The following SLCO3A1 variants were observed in gnomAD, a reference collection of about 807,000 sequenced individuals.
The protein encoded by SLCO3A1 is PGE1 transporter.
Under a neutral mutation model 63.1 loss-of-function variants are expected in SLCO3A1, and 27 were observed. The ratio of observed to expected loss-of-function variants is 0.43; its 90% CI spans 0.32 to 0.59. The LOEUF (loss-of-function observed/expected upper bound fraction) is 0.59. Among genes scored for constraint, SLCO3A1 ranks in the 20% least tolerant of loss-of-function variants. The probability of loss-of-function intolerance (pLI) is 0.09; values close to 1 mark genes in which losing one functional copy is unlikely to be tolerated. For missense variants in SLCO3A1, 773 were observed against 945.8 expected, an observed-to-expected ratio of 0.82 and a Z score of 2.40; for synonymous variants, 473 against 409.9, an observed-to-expected ratio of 1.15 and a Z score of -1.86.
rs78862650 is a variant in SLCO3A1, at chr15:91,995,033, G to T, written c.646+78575G>T. On this transcript the variant is annotated intron_variant, in intron 2 of 9. Coordinates refer to ENST00000318445, the MANE Select transcript of SLCO3A1 (RefSeq NM_013272.4). ...ATCTCCTGGCCTTCATTGTTAGGTT[G>T]TAGACTACAATGAATGATATTCTGT... 2.0e-3 allele frequency among the ~76,000 whole-genome samples: 300 copies of T among 152,330 alleles called. 4 individuals are homozygous for T. Among genetic ancestry groups the T allele is most frequent in the African/African-American group, 7.0e-3 (293 of 41,568 alleles).
rs2047978074 is a variant in SLCO3A1 at position 92,130,398 on chromosome 15, G to A, written c.1512+1909G>A. 1.3e-5 allele frequency among the ~76,000 whole-genome samples: 2 copies of A among 152,192 alleles called. 1 individual carries two copies. The highest frequency in any genetic ancestry group is 4.1e-4 in the South Asian group (2 of 4,836). On this transcript the variant is annotated intron_variant, in intron 7 of 9. Transcript: ENST00000318445. Reference sequence around the variant, plus strand: ...ACATTGTCTGCTGGGGTGTAGGTGAGGCAAGGAGGATATTCTCATGCAATT... The same window carrying A: ...ACATTGTCTGCTGGGGTGTAGGTGAAGCAAGGAGGATATTCTCATGCAATT...
intron 7 of SLCO3A1, among the ~76,000 whole-genome samples, chr15:92,143,418 TTATA>T (rs768550516): frequency 1.3e-3 from 1 of 780 alleles, no homozygotes; most frequent in Non-Finnish European, 2.7e-3. Context: ...AATATATATA[TTATA>T]TATATATAAT....
At chr15:92,158,550 T>G (rs1166043449) in intron 9 of SLCO3A1, among the ~76,000 whole-genome samples, 2 of 152,230 alleles carry the variant, frequency 1.3e-5, no homozygotes, top group Non-Finnish European at 2.9e-5. Flanking sequence ...ATGATACTAC[T>G]TAGCATGACA....
chr15:92,165,510 AAAAAG>A lies in SLCO3A1; in HGVS notation c.*2379_*2383del, dbSNP rs2048486557. ...GGAACTATTTGCTTTGAGAGAAAAA[AAAAAG>A]AAAGTTTTTTAAACTCTTTGCATTT... On this transcript the variant is annotated 3_prime_UTR_variant, in exon 10 of 10. Transcript: ENST00000318445. 7.1e-6 allele frequency: 7 copies of A among 982,022 alleles called. No homozygotes were observed. Among genetic ancestry groups the A allele is most frequent in the Non-Finnish European group, 7.2e-6 (6 of 828,674 alleles). The allele number at this position is 982,022 out of a possible 1,614,324, so 60.8% of individuals were successfully genotyped here.
chr15:91,909,291 T>C (rs1313000432), intron 1 of SLCO3A1, among the ~76,000 whole-genome samples: 1 of 152,202 alleles, frequency 6.6e-6, no homozygotes, highest in African/African-American at 2.4e-5. Context: ...CTGCTGCCTG[T>C]TTTTGTAAAT....
intron 7 of SLCO3A1, among the ~76,000 whole-genome samples, chr15:92,138,411 T>C (rs1342105161): frequency 9.2e-6 from 1 of 109,222 alleles, no homozygotes; most frequent in Non-Finnish European, 1.7e-5. Context: ...GGTAGTGTGA[T>C]GCCTCCAGCT....
chr15:91,954,867 C>A lies in SLCO3A1; in HGVS notation c.646+38409C>A, dbSNP rs796734987. ...CGTGGTCTCCCGCTGCTTTCTGCCA[C>A]TGCCCAAGGGCTGGACAGCACCACC... is the stretch of plus-strand genomic sequence containing the variant. On this transcript the variant is annotated intron_variant, in intron 2 of 9. Transcript: ENST00000318445. The surrounding 1 kb of genome is among the most constrained non-coding windows in gnomAD (Gnocchi z 4.7). 3.9e-5 allele frequency among the ~76,000 whole-genome samples: 6 copies of A among 152,274 alleles called. No individual in the cohort carries two copies. Among genetic ancestry groups the A allele is most frequent in the African/African-American group, 1.4e-4 (6 of 41,554 alleles).
At chr15:92,100,881 G>C (rs961875366) in intron 3 of SLCO3A1, among the ~76,000 whole-genome samples, 1 of 152,176 alleles carries the variant, frequency 6.6e-6, no homozygotes, top group Admixed American at 6.5e-5. Context: ...TACCATCTTA[G>C]GAGGAAAGAG....
chr15:92,125,182 C>G (rs556504737), intron 5 of SLCO3A1, among the ~76,000 whole-genome samples: 1 of 152,198 alleles, frequency 6.6e-6, no homozygotes, highest in Non-Finnish European at 1.5e-5. Context: ...GTCAGTTGAC[C>G]TAGAGGTCTG....
intron 2 of SLCO3A1, among the ~76,000 whole-genome samples, chr15:91,945,464 A>G (rs1375756665): frequency 2.0e-5 from 3 of 152,208 alleles, no homozygotes; most frequent in Non-Finnish European, 4.4e-5. Context: ...AAGTGAATGA[A>G]TAAGTGAATA....
At chr15:92,130,389 T>G (rs2047977899) in intron 7 of SLCO3A1, among the ~76,000 whole-genome samples, 1 of 152,136 alleles carries the variant, frequency 6.6e-6, no homozygotes, top group Admixed American at 6.5e-5. Context: ...TCTGCTGGGG[T>G]GTAGGTGAGG....
intron 2 of SLCO3A1, among the ~76,000 whole-genome samples, chr15:92,053,680 T>G (rs1156308957): frequency 2.1e-5 from 1 of 46,880 alleles, no homozygotes; most frequent in African/African-American, 5.3e-5. Flanking sequence ...TGTTTTGTTT[T>G]TTTGTTTGTT....
rs1471440053 is a variant in SLCO3A1, at chr15:91,912,316, C to T, written c.181-3677C>T. On this transcript the variant is annotated intron_variant, in intron 1 of 9. Transcript: ENST00000318445. This position sits in a 1 kb window ranked among gnomAD's most constrained non-coding sequence, Gnocchi z 5.0. ...ACATTAGCCTCTGATCTAATTGATC[C>T]ACAAAGCATCATTTCAGAATCTTTG... 6.6e-6 allele frequency among the ~76,000 whole-genome samples: 1 copy of T among 152,100 alleles called. No individual in the cohort carries two copies. The highest frequency in any genetic ancestry group is 1.9e-4 in the East Asian group (1 of 5,186).
In SLCO3A1 at chr15:92,141,761, C is replaced by G. The variant is rs554851297; in HGVS notation, c.1513-5223C>G. Among the ~76,000 whole-genome samples, 4 of 152,320 alleles carry G rather than the reference C, an allele frequency of 2.6e-5. No individual in the cohort carries two copies. In the East Asian group the frequency reaches 7.7e-4, roughly 29 times the overall value. ...ACACTCGGACATCTGAGTGGAAGATCCCTCCTTAACAGCCTCACGACCTTA... is the reference window on the plus strand; with the variant it reads ...ACACTCGGACATCTGAGTGGAAGATGCCTCCTTAACAGCCTCACGACCTTA... On this transcript the variant is annotated intron_variant, in intron 7 of 9. Transcript: ENST00000318445.
chr15:92,045,867 C>T (rs2046855633), intron 2 of SLCO3A1, among the ~76,000 whole-genome samples: 1 of 152,140 alleles, frequency 6.6e-6, no homozygotes. Context: ...CTTCAGTCAC[C>T]CAGTTGCTAG....
At chr15:92,106,136 A>G (rs2677911) in intron 4 of SLCO3A1, among the ~76,000 whole-genome samples, 56,260 of 152,130 alleles carry the variant, frequency 0.37, 10,558 homozygotes, top group Admixed American at 0.4. Flanking sequence ...AGTCCATGAG[A>G]AATCTCAAGA....
intron 2 of SLCO3A1, among the ~76,000 whole-genome samples, chr15:91,936,401 T>C (rs74028381): frequency 0.012 from 1,755 of 152,348 alleles, 36 homozygotes; most frequent in African/African-American, 0.04. Flanking sequence ...TCATTTGCAC[T>C]AGCTAGATTC....
intron 2 of SLCO3A1, among the ~76,000 whole-genome samples, chr15:92,076,792 G>A (rs2047282802): frequency 6.6e-6 from 1 of 152,232 alleles, no homozygotes; most frequent in Non-Finnish European, 1.5e-5. Context: ...ATGGAGTCAG[G>A]AAGCCTGTGA....
At chr15:92,089,272 T>G (rs1050433304) in intron 2 of SLCO3A1, among the ~76,000 whole-genome samples, 1 of 152,140 alleles carries the variant, frequency 6.6e-6, no homozygotes, top group African/African-American at 2.4e-5. Context: ...GTGATCCGCT[T>G]GCCTCAGCCT....
Sources: gnomAD v4.1 joint callset for allele counts (sites outside exome capture counted in the v4.1 genomes callset) on GRCh38, gnomAD v4.1.1 for gene constraint, Gnocchi (gnomAD v3.1) non-coding constraint, MANE v1.5 for transcripts, NCBI Gene and HGNC (gene_info 2026-07-23, HGNC 2026-07-21) for gene names.